DRAXIN: variants seen among roughly 807,000 people sequenced by gnomAD.
DRAXIN encodes dorsal repulsive axon guidance protein.
A neutral mutation model predicts 33.9 loss-of-function variants in DRAXIN; 27 were observed. That is an observed-to-expected ratio of 0.80 (90% CI 0.59 to 1.10). The LOEUF (loss-of-function observed/expected upper bound fraction) is 1.10. DRAXIN is among the 50% of genes least tolerant of loss of function. The pLI is 0.00. For synonymous variants in DRAXIN, 178 were observed against 194.0 expected (o/e 0.92, Z 0.69); for missense variants, 371 against 460.8 (o/e 0.81, Z 1.78).
chr1:11,689,529 G>A (rs902642825), upstream of DRAXIN, among the ~76,000 whole-genome samples: 8 of 152,120 alleles, frequency 5.3e-5, no homozygotes, highest in Non-Finnish European at 1.2e-4. Context: ...CCGGGAGGTG[G>A]AGGTTGCAGT....
chr1:11,710,670 T>C, intron 3 of DRAXIN, among the ~76,000 whole-genome samples: 1 of 151,172 alleles, frequency 6.6e-6, no homozygotes, highest in Non-Finnish European at 1.5e-5. Context: ...ATCCCAGCAC[T>C]TTGGGAGGCC....
intron 6 of DRAXIN, 82 bp downstream of exon 6, chr1:11,715,290 G>T: frequency 2.6e-6 from 4 of 1,546,996 alleles, no homozygotes; most frequent in Non-Finnish European, 3.6e-6. Context: ...CTTCTGCACC[G>T]AGTGGGGAAC....
At chr1:11,695,597 GTC>G (rs1490534283) in intron 1 of DRAXIN, among the ~76,000 whole-genome samples, 34 of 89,394 alleles carry the variant, frequency 3.8e-4, no homozygotes, top group African/African-American at 1.6e-3. Flanking sequence ...GTGAGATTCT[GTC>G]TCAAAAAAAA....
At chr1:11,699,403 T>C (rs934895515) in intron 1 of DRAXIN, among the ~76,000 whole-genome samples, 2 of 152,200 alleles carry the variant, frequency 1.3e-5, no homozygotes, top group Non-Finnish European at 2.9e-5. Context: ...CTACTTGCGA[T>C]CAGACTAACT....
intron 1 of DRAXIN, among the ~76,000 whole-genome samples, chr1:11,702,536 CCA>C (rs755940054): frequency 1.3e-3 from 191 of 149,224 alleles, no homozygotes; most frequent in African/African-American, 4.5e-3. Flanking sequence ...CACACATGCT[CCA>C]CACACACACA....
rs1028867267 is a variant in DRAXIN at position 11,719,915 on chromosome 1, G to A, written c.*219G>A. ...CTGCACACACGAAGTCCGGACCCAC[G>A]CAGCCTCCATCCCGCGTGTCTTGCT... is the stretch of plus-strand genomic sequence containing the variant. On this transcript the variant is annotated 3_prime_UTR_variant, in exon 7 of 7. Coordinates refer to ENST00000294485, the MANE Select transcript of DRAXIN (RefSeq NM_198545.4). 5 of 534,638 alleles carry A rather than the reference G, an allele frequency of 9.4e-6. No homozygotes were observed. The highest frequency in any genetic ancestry group is 1.9e-5 in the African/African-American group (1 of 52,798). The allele number at this position is 534,638 out of a possible 1,614,324, so 33.1% of individuals were successfully genotyped here. A position where few individuals can be genotyped will look rare whatever the true frequency, so the allele number is the denominator to read the frequency against.
intron 6 of DRAXIN, among the ~76,000 whole-genome samples, chr1:11,716,540 A>G (rs1398945547): frequency 6.6e-6 from 1 of 152,234 alleles, no homozygotes; most frequent in Non-Finnish European, 1.5e-5. Context: ...TTTTGCTCAT[A>G]TTAGCCTCAG....
At chr1:11,718,171 C>T (rs1641609106) in intron 6 of DRAXIN, among the ~76,000 whole-genome samples, 1 of 145,926 alleles carries the variant, frequency 6.9e-6, no homozygotes, top group African/African-American at 2.6e-5. Context: ...ACAAAATTAG[C>T]TGGGTGTGGT....
intron 3 of DRAXIN, among the ~76,000 whole-genome samples, chr1:11,711,112 T>G (rs1641488858): frequency 6.6e-6 from 1 of 152,172 alleles, no homozygotes; most frequent in African/African-American, 2.4e-5. Context: ...GCCAACATGG[T>G]GAAACCCCGT....
chr1:11,718,736 G>A (rs1641616724), intron 6 of DRAXIN, among the ~76,000 whole-genome samples: 1 of 152,150 alleles, frequency 6.6e-6, no homozygotes, highest in Admixed American at 6.5e-5. Context: ...TCAAAGTGCT[G>A]GGATTACGGG....
Position 11,720,058 on chromosome 1 carries a change from A to T in DRAXIN, c.*362A>T. On this transcript the variant is annotated 3_prime_UTR_variant, in exon 7 of 7. Coordinates refer to ENST00000294485, the MANE Select transcript of DRAXIN (RefSeq NM_198545.4). ...GGAAAAGAAATTTAAACTTCCCGAA[A>T]GAAGGTCCACCATCAGGAGATGAAT... 3.9e-6 allele frequency: 1 copy of T among 256,708 alleles called. No homozygotes were observed. The highest frequency in any genetic ancestry group is 8.0e-6 in the Non-Finnish European group (1 of 125,088). The allele number at this position is 256,708 out of a possible 1,614,324, so 15.9% of individuals were successfully genotyped here. A position where few individuals can be genotyped will look rare whatever the true frequency, so the allele number is the denominator to read the frequency against.
upstream of DRAXIN, among the ~76,000 whole-genome samples, chr1:11,690,163 C>T (rs925763440): frequency 3.9e-5 from 6 of 152,074 alleles, no homozygotes; most frequent in Admixed American, 6.6e-5. The surrounding 1 kb of genome is among the most constrained non-coding windows in gnomAD (Gnocchi z 4.2). Context: ...TATTTGTTCA[C>T]TTATCTTCTG....
rs1641637870 is a variant in DRAXIN, at chr1:11,719,982, T to C, written c.*286T>C. 2 of 389,882 alleles carry C rather than the reference T, an allele frequency of 5.1e-6. No homozygotes were observed. Among genetic ancestry groups the C allele is most frequent in the Non-Finnish European group, 4.8e-6 (1 of 206,772 alleles). 24.2% of individuals were successfully genotyped at this position (389,882 alleles called of 1,614,324 possible). A position where few individuals can be genotyped will look rare whatever the true frequency, so the allele number is the denominator to read the frequency against. On this transcript the variant is annotated 3_prime_UTR_variant, in exon 7 of 7. Transcript: ENST00000294485. ...CCGAGAGTGCCCTCTACTGTCCGAC[T>C]CCAGCACTGCAACAGCTTCAAGTTC...
chr1:11,702,744 ATTC>A (rs1641316319), intron 1 of DRAXIN, among the ~76,000 whole-genome samples: 1 of 114,892 alleles, frequency 8.7e-6, no homozygotes, highest in African/African-American at 3.2e-5. Flanking sequence ...CGAGGTATGA[ATTC>A]TTTTTTTTTT....
intron 1 of DRAXIN, among the ~76,000 whole-genome samples, chr1:11,700,822 TC>T (rs1487793917): frequency 6.6e-6 from 1 of 151,870 alleles, no homozygotes; most frequent in East Asian, 1.9e-4. Context: ...CATGACTTGC[TC>T]CCCCCAACCC....
Position 11,709,467 on chromosome 1 carries a change from T to C in DRAXIN, c.642+2T>C, listed in dbSNP as rs776066912. On this transcript the variant is annotated splice_donor_variant, in intron 3 of 6. Coordinates refer to ENST00000294485, the MANE Select transcript of DRAXIN (RefSeq NM_198545.4). LOFTEE classifies it high-confidence loss of function. ...CCCGTCACCTCCCTGCGGCCCCAGG[T>C]AAGGGGTCCCCAAACAGCCTCGGAT... 104 of 1,611,098 alleles carry C rather than the reference T, an allele frequency of 6.5e-5. 2 individuals carry two copies. Among genetic ancestry groups the C allele is most frequent in the Non-Finnish European group, 8.7e-5 (102 of 1,178,626 alleles).
intron 1 of DRAXIN, among the ~76,000 whole-genome samples, chr1:11,693,245 G>A (rs1041305896): frequency 4.6e-5 from 7 of 151,976 alleles, no homozygotes; most frequent in African/African-American, 7.3e-5. Context: ...GGCTGAGCTG[G>A]TGTTGCCAAC....
chr1:11,707,908 G>T (rs898636921), intron 2 of DRAXIN, among the ~76,000 whole-genome samples: 2 of 152,176 alleles, frequency 1.3e-5, no homozygotes, highest in African/African-American at 4.8e-5. Flanking sequence ...CATGTGACCC[G>T]ACTGCCTCTA....
At chr1:11,691,593 G>A (rs551069822), upstream of DRAXIN, 826 of 151,502 alleles carry the variant, frequency 5.5e-3, 5 homozygotes, top group Non-Finnish European at 8.8e-3. Context: ...GCCGGGCCCG[G>A]CCCCGGGGCT....
Sources: gnomAD v4.1 joint callset for allele counts (sites outside exome capture counted in the v4.1 genomes callset) on GRCh38, gnomAD v4.1.1 for gene constraint, Gnocchi (gnomAD v3.1) non-coding constraint, MANE v1.5 for transcripts, NCBI Gene and HGNC (gene_info 2026-07-23, HGNC 2026-07-21) for gene names.